MTHFS: variants seen among roughly 807,000 people sequenced by gnomAD.
The protein encoded by MTHFS is 5-formyltetrahydrofolate cyclo-ligase.
In MTHFS, 7 loss-of-function variants were observed where a neutral mutation model predicts 12.7. The ratio of observed to expected loss-of-function variants is 0.55; its 90% CI spans 0.31 to 1.03. The LOEUF is 1.03. Among genes scored for constraint, MTHFS ranks in the 50% least tolerant of loss-of-function variants. MTHFS has a pLI of 0.05. For synonymous variants in MTHFS, 100 were observed against 97.1 expected (o/e 1.03, Z -0.18); for missense variants, 252 against 258.1 (o/e 0.98, Z 0.16).
chr15:79,857,770 C>A (rs991315567), intron 2 of MTHFS, among the ~76,000 whole-genome samples: 3 of 152,096 alleles, frequency 2.0e-5, no homozygotes, highest in Non-Finnish European at 4.4e-5. Context: ...CCTGTAATCC[C>A]AGCACTTTGG....
intron 2 of MTHFS, among the ~76,000 whole-genome samples, chr15:79,888,519 T>C (rs1276708497): frequency 6.6e-6 from 1 of 152,176 alleles, no homozygotes; most frequent in Non-Finnish European, 1.5e-5. Flanking sequence ...TTTCCAGGAA[T>C]GCAGGCAAGA....
intron 2 of MTHFS, among the ~76,000 whole-genome samples, chr15:79,888,767 C>T (rs895979897): frequency 7.9e-5 from 12 of 152,250 alleles, no homozygotes; most frequent in African/African-American, 2.9e-4. Flanking sequence ...GATATAAGTG[C>T]TCATTAACAT....
At chr15:79,856,381 TTTAAG>T (rs1289854155) in intron 2 of MTHFS, among the ~76,000 whole-genome samples, 1 of 152,236 alleles carries the variant, frequency 6.6e-6, no homozygotes. Context: ...TTCTTGTAAA[TTTAAG>T]TTATTTATAG....
intron 2 of MTHFS, among the ~76,000 whole-genome samples, chr15:79,857,637 C>T (rs900890926): frequency 6.6e-6 from 1 of 152,120 alleles, no homozygotes; most frequent in African/African-American, 2.4e-5. Context: ...ATGTGCTTTT[C>T]CAGTTAGTTC....
At chr15:79,861,776 T>C (rs974445602) in intron 2 of MTHFS, among the ~76,000 whole-genome samples, 5 of 152,198 alleles carry the variant, frequency 3.3e-5, no homozygotes, top group South Asian at 2.1e-4. Context: ...AATCTATATG[T>C]GTTGCTATGA....
intron 2 of MTHFS, among the ~76,000 whole-genome samples, chr15:79,881,993 CAG>C (rs2034304079): frequency 1.3e-5 from 2 of 152,194 alleles, no homozygotes; most frequent in Non-Finnish European, 2.9e-5. Flanking sequence ...CTCAATTGTC[CAG>C]AGAGGGAGGT....
intron 2 of MTHFS, among the ~76,000 whole-genome samples, chr15:79,851,516 G>A (rs752182486): frequency 2.0e-5 from 3 of 152,152 alleles, no homozygotes; most frequent in Non-Finnish European, 4.4e-5. Context: ...TAGAAGAGAA[G>A]GAGAGCACAG....
At chr15:79,886,440 G>T (rs1736894366) in intron 2 of MTHFS, among the ~76,000 whole-genome samples, 1 of 151,686 alleles carries the variant, frequency 6.6e-6, no homozygotes. Flanking sequence ...GAAACTGTGG[G>T]TATAATCCTC....
chr15:79,881,793 G>A (rs377065605), intron 2 of MTHFS, among the ~76,000 whole-genome samples: 95 of 152,316 alleles, frequency 6.2e-4, no homozygotes, highest in African/African-American at 2.3e-3. Context: ...AAGAAAAATG[G>A]CACTTCAAAG....
chr15:79,857,468 G>C (rs1181982183), intron 2 of MTHFS, among the ~76,000 whole-genome samples: 1 of 152,074 alleles, frequency 6.6e-6, no homozygotes, highest in African/African-American at 2.4e-5. Context: ...AAATTACACA[G>C]TACATTATAT....
At chr15:79,893,329 G>A (rs1310819521) in intron 1 of MTHFS, among the ~76,000 whole-genome samples, 2 of 151,836 alleles carry the variant, frequency 1.3e-5, no homozygotes, top group Non-Finnish European at 2.9e-5. Context: ...TTGAACCCGG[G>A]AGGCGAAGGT....
At chr15:79,851,996 G>T (rs984125078) in intron 2 of MTHFS, among the ~76,000 whole-genome samples, 5 of 152,166 alleles carry the variant, frequency 3.3e-5, no homozygotes, top group Non-Finnish European at 7.3e-5. Flanking sequence ...AGCATATTAT[G>T]ATGTAAAGAG....
intron 2 of MTHFS, among the ~76,000 whole-genome samples, chr15:79,865,241 T>C (rs16971460): frequency 0.18 from 27,069 of 152,110 alleles, 2,563 homozygotes; most frequent in East Asian, 0.26. Flanking sequence ...TAAATATAAG[T>C]CTTAAAATTC....
intron 2 of MTHFS, among the ~76,000 whole-genome samples, chr15:79,864,777 T>C (rs2033981022): frequency 6.6e-6 from 1 of 151,976 alleles, no homozygotes; most frequent in African/African-American, 2.4e-5. Flanking sequence ...AGTGAACAAA[T>C]ACAACACTTT....
chr15:79,850,386 C>T (rs547895923), intron 2 of MTHFS, among the ~76,000 whole-genome samples: 1 of 152,308 alleles, frequency 6.6e-6, no homozygotes, highest in African/African-American at 2.4e-5. Flanking sequence ...CAGATTAGCA[C>T]ATTTTTCCTA....
intron 1 of MTHFS, among the ~76,000 whole-genome samples, chr15:79,893,303 T>C (rs974225329): frequency 6.6e-6 from 1 of 151,312 alleles, no homozygotes; most frequent in African/African-American, 2.4e-5. Flanking sequence ...CTTGGGAGGC[T>C]GAGGCACAGA....
intron 2 of MTHFS, among the ~76,000 whole-genome samples, chr15:79,888,112 C>G (rs1458325546): frequency 6.6e-6 from 1 of 152,022 alleles, no homozygotes; most frequent in Non-Finnish European, 1.5e-5. Context: ...AAAATAATAC[C>G]CTTAGCTTGT....
chr15:79,866,255 G>T (rs2034009121), intron 2 of MTHFS, among the ~76,000 whole-genome samples: 1 of 152,082 alleles, frequency 6.6e-6, no homozygotes, highest in South Asian at 2.1e-4. Context: ...GAGTTCAACG[G>T]TTTCCTTCTT....
Position 79,889,117 on chromosome 15 carries a change from C to G in MTHFS, c.355G>C (p.Val119Leu), listed in dbSNP as rs145953716. ...CCTGTGGACAAGGCCTCCTCCCGAACATCACCCTCACCAGGCTGAGGGATA... is the reference window on the plus strand; with the variant it reads ...CCTGTGGACAAGGCCTCCTCCCGAAGATCACCCTCACCAGGCTGAGGGATA... Reference protein sequence around the residue: ...WNIPQPGEGDVREEALSTGGL... With the variant: ...WNIPQPGEGDLREEALSTGGL... Residue 119 changes from valine to leucine, a missense_variant, in exon 2 of 3, where the codon GTT becomes CTT. By Grantham distance (32) the Val-to-Leu change is conservative. Transcript: ENST00000258874. 509 of 1,614,186 alleles carry G rather than the reference C, an allele frequency of 3.2e-4. 2 individuals carry two copies. In the Middle Eastern group the frequency reaches 4.0e-3, roughly 13 times the overall value.
Sources: allele counts gnomAD v4.1 joint callset (sites outside exome capture counted in the v4.1 genomes callset), GRCh38; gene constraint gnomAD v4.1.1; transcripts MANE v1.5; gene names NCBI Gene and HGNC (gene_info 2026-07-23, HGNC 2026-07-21).